CNPY4: variants seen among roughly 807,000 people sequenced by gnomAD.
CNPY4 encodes canopy FGF signaling regulator 4, also known as protein canopy homolog 4.
CNPY4 carries 33 observed loss-of-function variants against 30.1 expected under a neutral mutation model. The observed-to-expected ratio is 1.10, with a 90% CI of 0.83 to 1.46. The LOEUF (loss-of-function observed/expected upper bound fraction) is 1.46, where lower values mean the gene tolerates loss of function less well. CNPY4 is among the 40% of genes most tolerant of loss of function. The pLI is 0.00. For synonymous variants in CNPY4, 109 were observed against 110.1 expected, an observed-to-expected ratio of 0.99 and a Z score of 0.06; for missense variants, 324 against 302.6, an observed-to-expected ratio of 1.07 and a Z score of -0.52.
At chr7:100,121,859 G>C (rs1018010854) in intron 1 of CNPY4, among the ~76,000 whole-genome samples, 2 of 150,472 alleles carry the variant, frequency 1.3e-5, no homozygotes, top group African/African-American at 4.9e-5. Flanking sequence ...GACCATCCTG[G>C]CTAACACGGT....
chr7:100,121,117 T>TATATATATATATATA (rs1491228284), intron 1 of CNPY4: 17 of 35,132 alleles, frequency 4.8e-4, no homozygotes, highest in African/African-American at 1.4e-3. Flanking sequence ...TATATATATA[T>TATATATATATATATA]TTTTTTTTTT....
Position 100,124,837 on chromosome 7 carries a change from C to G in CNPY4, c.696C>G (p.Asp232Glu). The change falls in exon 6 of 6, where the codon GAC becomes GAG. Residue 232 changes from aspartate (D) to glutamate (E), a missense_variant. Asp to Glu is a conservative substitution (Grantham distance 45). Coordinates refer to ENST00000262932, the MANE Select transcript of CNPY4 (RefSeq NM_152755.2). Reference protein sequence around the residue: ...EEEEEEEEGGDKMTKTGSHPK... With the variant: ...EEEEEEEEGGEKMTKTGSHPK... Reference sequence around the variant, plus strand: ...AAGAGGAGGAAGAGGAAGGGGGAGACAAGATGACCAAGACAGGAAGCCACC... The same window carrying G: ...AAGAGGAGGAAGAGGAAGGGGGAGAGAAGATGACCAAGACAGGAAGCCACC... 1 of 1,608,952 alleles carries G rather than the reference C, an allele frequency of 6.2e-7. No individual in the cohort carries two copies. The highest frequency in any genetic ancestry group is 8.5e-7 in the Non-Finnish European group (1 of 1,177,576).
Position 100,122,779 on chromosome 7 carries a change from C to G in CNPY4, c.343-5C>G, listed in dbSNP as rs780169304. 6.2e-7 allele frequency: 1 copy of G among 1,611,204 alleles called. No homozygotes were observed. Among genetic ancestry groups the G allele is most frequent in the South Asian group, 1.1e-5 (1 of 90,698 alleles). On this transcript the variant is annotated splice_region_variant and splice_polypyrimidine_tract_variant and intron_variant, in intron 3 of 5. Transcript: ENST00000262932. The stretch of plus-strand genomic sequence containing the variant: ...TGGGCTGATGCCAAATTCTTAATCT[C>G]TCAGGGTCAGAGTCAGACCATGGCA...
At position 100,119,795 on chromosome 7, in the gene CNPY4, C is replaced by T. The variant is rs1372492347; in HGVS notation, c.51C>T (p.His17=). The change falls in exon 1 of 6, where the codon CAC becomes CAT. Residue 17 remains histidine (H), a synonymous_variant. Transcript: ENST00000262932. ...GILLFLFLAV[H]EAWAGMLKEE... ...TGCTTTTCCTTTTTTTGGCCGTGCA[C>T]GAGGCTTGGGCTGGGATGTTGAAGG... 2.4e-5 allele frequency: 38 copies of T among 1,613,940 alleles called. No individual in the cohort carries two copies. The Admixed American group carries it at 6.2e-4, about 26-fold the overall frequency.
At chr7:100,124,313 C>T in intron 4 of CNPY4, 1 of 543,752 alleles carries the variant, frequency 1.8e-6, no homozygotes. Context: ...AGCTGAGACT[C>T]AAGAGTTTAA....
At chr7:100,122,640 C>T (rs930383753) in intron 3 of CNPY4, 63 bp downstream of exon 3, 1 of 1,518,994 alleles carries the variant, frequency 6.6e-7, no homozygotes, top group East Asian at 2.3e-5. Context: ...TCCCCTGAGG[C>T]CCTCCAGAGG....
intron 1 of CNPY4, among the ~76,000 whole-genome samples, chr7:100,120,733 C>G (rs1019717269): frequency 6.6e-6 from 1 of 152,206 alleles, no homozygotes; most frequent in South Asian, 2.1e-4. Flanking sequence ...GGCCTTCTAT[C>G]AGAATACAGC....
chr7:100,121,088 T>TATATA (rs1798027464), intron 1 of CNPY4: 1 of 41,472 alleles, frequency 2.4e-5, no homozygotes. Context: ...ATTGTATTAA[T>TATATA]TTTATATATA....
intron 4 of CNPY4, among the ~76,000 whole-genome samples, chr7:100,123,386 G>A (rs1284467710): frequency 6.6e-6 from 1 of 151,782 alleles, no homozygotes; most frequent in Admixed American, 6.6e-5. Flanking sequence ...AAATCATAAT[G>A]AGCCGGGTGG....
At position 100,124,991 on chromosome 7, in the gene CNPY4, C is replaced by T; in HGVS notation, c.*103C>T. 2.2e-6 allele frequency: 3 copies of T among 1,334,630 alleles called. No homozygotes were observed. Among genetic ancestry groups the T allele is most frequent in the Non-Finnish European group, 3.1e-6 (3 of 974,218 alleles). The allele number at this position is 1,334,630 out of a possible 1,614,324, so 82.7% of individuals were successfully genotyped here. On this transcript the variant is annotated 3_prime_UTR_variant, in exon 6 of 6. Transcript: ENST00000262932. ...TTTCAGGGTGTGTTTATGAGTGACT[C>T]CACCCAAGCTTGTAGCTGTTCTCTC...
rs1798168031 is a variant in CNPY4, at chr7:100,124,735, G to A, written c.594G>A (p.Gln198=). 4.3e-6 allele frequency: 7 copies of A among 1,613,862 alleles called. No individual in the cohort carries two copies. In the East Asian group the frequency reaches 1.3e-4, roughly 31 times the overall value. Residue 198 remains glutamine, a synonymous_variant, in exon 6 of 6, where the codon CAG becomes CAA. Coordinates refer to ENST00000262932, the MANE Select transcript of CNPY4 (RefSeq NM_152755.2). ...VLPAAETACL[Q]ETWTGKEITD... is the part of the protein sequence containing the mutation. ...TGTCATCCGATCTAGCATGTCTACA[G>A]GAAACTTGGACTGGAAAGGAGATCA...
rs1188016379 is a variant in CNPY4 at position 100,124,614 on chromosome 7, TC to T, written c.569del (p.Pro190GlnfsTer45). 6.2e-7 allele frequency: 1 copy of T among 1,613,356 alleles called. No individual in the cohort carries two copies. Among genetic ancestry groups the T allele is most frequent in the South Asian group, 1.1e-5 (1 of 91,042 alleles). On this transcript the variant is annotated frameshift_variant, in exon 5 of 6. Coordinates refer to ENST00000262932, the MANE Select transcript of CNPY4 (RefSeq NM_152755.2). LOFTEE classifies it high-confidence loss of function. Reference sequence around the variant, plus strand: ...AATTTTCTCTGTGAAGGTCATGTGCTCCCAGCTGCTGAAACTGGTAAGCGTA... The same window carrying T: ...AATTTTCTCTGTGAAGGTCATGTGCTCCAGCTGCTGAAACTGGTAAGCGTA... ...LQNFLCEGHVLPAAETACLQE... is the reference protein window; with the variant it reads ...LQNFLCEGHVXPAAETACLQE...
chr7:100,122,805 A>G lies in CNPY4; in HGVS notation c.364A>G (p.Thr122Ala). 1 of 1,613,886 alleles carries G rather than the reference A, an allele frequency of 6.2e-7. No homozygotes were observed. Among genetic ancestry groups the G allele is most frequent in the Non-Finnish European group, 8.5e-7 (1 of 1,179,948 alleles). Residue 122 changes from threonine (T) to alanine (A), a missense_variant, in exon 4 of 6, where the codon ACA becomes GCA. Transcript: ENST00000262932. ...TCAGGGTCAGAGTCAGACCATGGCA[A>G]CACTGAAAGGCCTAGTGCAGAAGGG... ...YAKGQSQTMA[T>A]LKGLVQKGVK...
At chr7:100,123,061 G>A (rs144122413) in intron 4 of CNPY4, among the ~76,000 whole-genome samples, 155 bp downstream of exon 4, 130 of 152,292 alleles carry the variant, frequency 8.5e-4, no homozygotes, top group African/African-American at 2.9e-3. Flanking sequence ...TCCAGGAGCG[G>A]TGGGGTGCGG....
Position 100,122,508 on chromosome 7 carries a change from G to T in CNPY4, c.273G>T (p.Glu91Asp), listed in dbSNP as rs1211225434. The change falls in exon 3 of 6, where the codon GAG (glutamate) becomes GAT (aspartate). Residue 91 changes from glutamate to aspartate, a missense_variant. Transcript: ENST00000262932. ...AGACAAGGCTGGAAGAGGCCTTAGA[G>T]AATTTATGTGAGCGGATCCTGGACT... ...VSETRLEEAL[E>D]NLCERILDYS... 1.9e-6 allele frequency: 3 copies of T among 1,613,990 alleles called. No individual in the cohort carries two copies. Among genetic ancestry groups the T allele is most frequent in the Non-Finnish European group, 2.5e-6 (3 of 1,180,004 alleles).
At chr7:100,122,718 T>C in intron 3 of CNPY4, 66 bp from the exon 4 acceptor site, 3 of 1,551,754 alleles carry the variant, frequency 1.9e-6, no homozygotes, top group East Asian at 4.6e-5. Context: ...AAAACTGAAA[T>C]GGCAGAAAGG....
chr7:100,123,761 C>G (rs1798144103), intron 4 of CNPY4, among the ~76,000 whole-genome samples: 2 of 152,168 alleles, frequency 1.3e-5, no homozygotes, highest in Non-Finnish European at 2.9e-5. Context: ...CTCAGGTGAT[C>G]CACCCGCCTT....
chr7:100,124,581 C>G lies in CNPY4; in HGVS notation c.533C>G (p.Pro178Arg). ...TGGTACTTCCACCATCAGGAGCAGC[C>G]CCTACAAAATTTTCTCTGTGAAGGT... ...GDWYFHHQEQPLQNFLCEGHV... is the reference protein window; with the variant it reads ...GDWYFHHQEQRLQNFLCEGHV... Residue 178 changes from proline to arginine, a missense_variant, in exon 5 of 6, where the codon CCC becomes CGC. Transcript: ENST00000262932. 6.2e-7 allele frequency: 1 copy of G among 1,613,134 alleles called. No individual in the cohort carries two copies. Among genetic ancestry groups the G allele is most frequent in the South Asian group, 1.1e-5 (1 of 91,010 alleles).
In CNPY4 at chr7:100,122,188, G is replaced by C. The variant is rs1798091975; in HGVS notation, c.119-71G>C. The C allele has an allele frequency of 3.1e-6, 5 of 1,590,046 alleles. 1 individual carries two copies. The South Asian group carries it at 5.7e-5, about 18-fold the overall frequency. Reference sequence around the variant, plus strand: ...TGCACTTGTATGCTCTGCTGCCTCAGGTCATCTGCAGAATGAATGGCTGGT... The same window carrying C: ...TGCACTTGTATGCTCTGCTGCCTCACGTCATCTGCAGAATGAATGGCTGGT... On this transcript the variant is annotated intron_variant, in intron 1 of 5. Transcript: ENST00000262932.
Sources: gnomAD v4.1 joint callset for allele counts (sites outside exome capture counted in the v4.1 genomes callset) on GRCh38, gnomAD v4.1.1 for gene constraint, MANE v1.5 for transcripts, NCBI Gene and HGNC (gene_info 2026-07-23, HGNC 2026-07-21) for gene names.